EIF5A: variants seen among roughly 807,000 people sequenced by gnomAD.
EIF5A encodes eukaryotic translation initiation factor 5A-1.
A neutral mutation model predicts 16.6 loss-of-function variants in EIF5A; 1 was observed. The observed-to-expected ratio is 0.06, with a 90% CI of 0.02 to 0.28. EIF5A has a LOEUF of 0.28. Among genes scored for constraint, EIF5A ranks in the 10% least tolerant of loss-of-function variants. The pLI is 1.00. For synonymous variants in EIF5A, 80 were observed against 73.6 expected, an observed-to-expected ratio of 1.09 and a Z score of -0.44; for missense variants, 29 against 196.1, an observed-to-expected ratio of 0.15 and a Z score of 5.09.
chr17:7,308,376 A>T (rs939122366), intron 1 of EIF5A: 2 of 1,194,848 alleles, frequency 1.7e-6, no homozygotes, highest in African/African-American at 3.2e-5. Flanking sequence ...GGTCGGCAGG[A>T]GCCGGCAGCC....
upstream of EIF5A, chr17:7,307,620 G>A: frequency 9.7e-7 from 1 of 1,026,674 alleles, no homozygotes; most frequent in Non-Finnish European, 1.2e-6. Context: ...TGGGGAGTCG[G>A]CGCCTGCGTA....
At chr17:7,308,131 T>TA (rs2072683536) in intron 1 of EIF5A, 1 of 663,700 alleles carries the variant, frequency 1.5e-6, no homozygotes, top group Non-Finnish European at 1.8e-6. Flanking sequence ...AGGGGGCTAT[T>TA]CGGTGAGAGG....
In EIF5A at chr17:7,312,429, T is replaced by G. The variant is rs530813232; in HGVS notation, c.*619T>G. ...CCGACACATTTGTTAAAATCAAACCTGAATAAAACTACAAGTTTAATATGA... is the reference window on the plus strand; with the variant it reads ...CCGACACATTTGTTAAAATCAAACCGGAATAAAACTACAAGTTTAATATGA... On this transcript the variant is annotated 3_prime_UTR_variant, in exon 6 of 6. Transcript: ENST00000336458. 8.9e-5 allele frequency: 25 copies of G among 281,070 alleles called. No homozygotes were observed. In the South Asian group the frequency reaches 1.0e-3, roughly 12 times the overall value. The allele number at this position is 281,070 out of a possible 1,614,324, so 17.4% of individuals were successfully genotyped here.
chr17:7,307,245 G>T (rs2072650684), upstream of EIF5A: 1 of 1,256,840 alleles, frequency 8.0e-7, no homozygotes, highest in South Asian at 1.7e-5. Flanking sequence ...TGAGGTGGAA[G>T]GGGTTGTTTA....
At chr17:7,310,860 C>G in intron 2 of EIF5A, 158 bp from the exon 3 acceptor site, 2 of 985,332 alleles carry the variant, frequency 2.0e-6, no homozygotes, top group Non-Finnish European at 2.4e-6. Flanking sequence ...CTTTAAGAGG[C>G]TTTACTGTTT....
Position 7,307,642 on chromosome 17 carries a change from G to T in EIF5A, c.-132G>T. 9.5e-7 allele frequency: 1 copy of T among 1,050,258 alleles called. No individual in the cohort carries two copies. Among genetic ancestry groups the T allele is most frequent in the Non-Finnish European group, 1.1e-6 (1 of 872,102 alleles). 65.1% of individuals were successfully genotyped at this position (1,050,258 alleles called of 1,614,324 possible). ...TCGGCGCCTGCGTACTAAGACCCGT[G>T]TGCAGCAGCGGCGGCGGCGGTAGAG... On this transcript the variant is annotated 5_prime_UTR_variant, in exon 1 of 6. Transcript: ENST00000336458.
At chr17:7,310,198 T>A in intron 2 of EIF5A, 1 of 1,291,832 alleles carries the variant, frequency 7.7e-7, no homozygotes, top group Non-Finnish European at 1.0e-6. Context: ...TTCTACGCCT[T>A]CCCCTGGAGG....
intron 1 of EIF5A, among the ~76,000 whole-genome samples, chr17:7,309,243 C>G (rs2072741236): frequency 6.6e-6 from 1 of 151,850 alleles, no homozygotes; most frequent in African/African-American, 2.4e-5. Flanking sequence ...AATTATAGCC[C>G]TGGCTATATG....
At chr17:7,311,252 T>C (rs2143009562) in intron 3 of EIF5A, 98 bp from the exon 4 acceptor site, 1 of 1,594,708 alleles carries the variant, frequency 6.3e-7, no homozygotes, top group East Asian at 2.3e-5. Context: ...TGTTTGGTAT[T>C]AGTTTGCTAT....
chr17:7,311,134 G>A lies in EIF5A; in HGVS notation c.270+12G>A. The A allele has an allele frequency of 6.2e-7, 1 of 1,613,150 alleles. No homozygotes were observed. On this transcript the variant is annotated intron_variant, in intron 3 of 5. Transcript: ENST00000336458. ...GGAATGACTTCCAGGTATGTAGATG[G>A]TCTGGATGAGGATGGGTTAGCGGTT...
At chr17:7,307,955 C>T in intron 1 of EIF5A, 5 of 983,668 alleles carry the variant, frequency 5.1e-6, no homozygotes, top group Non-Finnish European at 6.0e-6. Flanking sequence ...GGCCCGGTGA[C>T]GTTGGAGCGA....
intron 1 of EIF5A, chr17:7,308,292 G>C: frequency 8.9e-7 from 1 of 1,127,664 alleles, no homozygotes; most frequent in Middle Eastern, 4.1e-4. Context: ...GGCCAAGCGT[G>C]GACCGGGGCC....
intron 1 of EIF5A, chr17:7,308,147 A>G (rs1394047942): frequency 2.1e-5 from 2 of 95,624 alleles, no homozygotes; most frequent in Non-Finnish European, 3.1e-5. Flanking sequence ...AGAGGGCATG[A>G]TGGGGGGGGT....
chr17:7,307,390 T>G (rs970622617), upstream of EIF5A: 17 of 1,192,902 alleles, frequency 1.4e-5, no homozygotes, highest in Middle Eastern at 3.3e-4. Context: ...AAGATGAGGT[T>G]GAAGAGATTA....
At chr17:7,310,759 A>AG (rs1280057164) in intron 2 of EIF5A, 1 of 985,256 alleles carries the variant, frequency 1.0e-6, no homozygotes, top group Non-Finnish European at 1.2e-6. Flanking sequence ...TCTTTTATCA[A>AG]GGTAACTGTC....
rs1040111749 is a variant in EIF5A, at chr17:7,308,904, G to T, written c.-21-711G>T. Among the ~76,000 whole-genome samples, 12 of 152,204 alleles carry T rather than the reference G, an allele frequency of 7.9e-5. No homozygotes were observed. In the East Asian group the frequency reaches 2.3e-3, roughly 29 times the overall value. On this transcript the variant is annotated intron_variant, in intron 1 of 5. Coordinates refer to ENST00000336458, the MANE Select transcript of EIF5A (RefSeq NM_001970.5). The stretch of plus-strand genomic sequence containing the variant: ...TGACTGTACTGGCCCGGCCTGAAAA[G>T]CCGACAGGACAGATGCATCCTGGGA...
upstream of EIF5A, chr17:7,307,091 C>A (rs1319031969): frequency 1.2e-6 from 2 of 1,602,200 alleles, no homozygotes; most frequent in Admixed American, 1.7e-5. Flanking sequence ...GGCGCCCACC[C>A]CACAGAGCAA....
chr17:7,311,889 C>G lies in EIF5A; in HGVS notation c.*79C>G, dbSNP rs2072840556. 1 of 624,092 alleles carries G rather than the reference C, an allele frequency of 1.6e-6. No homozygotes were observed. The highest frequency in any genetic ancestry group is 2.9e-6 in the Non-Finnish European group (1 of 348,724). The allele number at this position is 624,092 out of a possible 1,614,324, so 38.7% of individuals were successfully genotyped here. On this transcript the variant is annotated 3_prime_UTR_variant, in exon 6 of 6. Transcript: ENST00000336458. ...CCCCCTCCCCGAGCCTGGCCTGGCT[C>G]TGGCCCGGTCCTAAGCTGGACTCCT... is the stretch of plus-strand genomic sequence containing the variant.
chr17:7,307,422 G>T, upstream of EIF5A: 1 of 1,095,850 alleles, frequency 9.1e-7, no homozygotes. Flanking sequence ...GCGCCTGCGC[G>T]TTGCAGATTA....
Sources: allele counts gnomAD v4.1 joint callset (sites outside exome capture counted in the v4.1 genomes callset), GRCh38; gene constraint gnomAD v4.1.1; transcripts MANE v1.5; gene names NCBI Gene and HGNC (gene_info 2026-07-23, HGNC 2026-07-21).